UNC5D: variants seen among roughly 807,000 people sequenced by gnomAD.
The protein encoded by UNC5D is unc-5 netrin receptor D.
A neutral mutation model predicts 105.4 loss-of-function variants in UNC5D; 39 were observed. That is an observed-to-expected ratio of 0.37 (90% CI 0.29 to 0.48). The LOEUF is 0.48. Among genes scored for constraint, UNC5D ranks in the 20% least tolerant of loss-of-function variants. The pLI is 0.98. For synonymous variants in UNC5D, 452 were observed against 450.4 expected (o/e 1.00, Z -0.04); for missense variants, 991 against 1,202.4 (o/e 0.82, Z 2.60).
intron 1 of UNC5D, among the ~76,000 whole-genome samples, chr8:35,347,194 T>C (rs1811866063): frequency 6.6e-6 from 1 of 152,010 alleles, no homozygotes; most frequent in Non-Finnish European, 1.5e-5. Context: ...AATTGGTAGG[T>C]TTGGAGCAGA....
At chr8:35,385,978 C>T (rs1803369887) in intron 1 of UNC5D, among the ~76,000 whole-genome samples, 1 of 152,152 alleles carries the variant, frequency 6.6e-6, no homozygotes, top group Non-Finnish European at 1.5e-5. Context: ...CGATTCCATA[C>T]TATCTATAAT....
chr8:35,667,604 A>G (rs1824510087), intron 4 of UNC5D, among the ~76,000 whole-genome samples: 1 of 152,214 alleles, frequency 6.6e-6, no homozygotes, highest in Non-Finnish European at 1.5e-5. Context: ...AATTATAGCA[A>G]TCTAGGAATC....
chr8:35,284,784 G>A (rs1338026854), intron 1 of UNC5D, among the ~76,000 whole-genome samples: 3 of 151,972 alleles, frequency 2.0e-5, no homozygotes, highest in African/African-American at 7.2e-5. Flanking sequence ...GGATGGTCTC[G>A]ATTTCCTGAC....
At chr8:35,387,127 G>T (rs557330206) in intron 1 of UNC5D, among the ~76,000 whole-genome samples, 1 of 151,902 alleles carries the variant, frequency 6.6e-6, no homozygotes, top group East Asian at 2.0e-4. Context: ...TTGGGAGGCC[G>T]AGGGGGGCAG....
intron 1 of UNC5D, among the ~76,000 whole-genome samples, chr8:35,313,753 C>T (rs779465823): frequency 3.3e-5 from 5 of 152,122 alleles, no homozygotes; most frequent in South Asian, 4.1e-4. Context: ...AATACCGTAC[C>T]GCAGCTTCAT....
At chr8:35,347,319 C>T (rs895071638) in intron 1 of UNC5D, among the ~76,000 whole-genome samples, 2 of 151,882 alleles carry the variant, frequency 1.3e-5, no homozygotes, top group African/African-American at 4.8e-5. Flanking sequence ...TGTTTAGAGG[C>T]TTTATAGCCC....
At chr8:35,512,877 C>A (rs1812848605) in intron 1 of UNC5D, among the ~76,000 whole-genome samples, 2 of 151,850 alleles carry the variant, frequency 1.3e-5, no homozygotes, top group African/African-American at 4.8e-5. Context: ...AATGGGGTCT[C>A]ACTATATTAC....
chr8:35,628,873 A>T (rs1821856832), intron 4 of UNC5D, among the ~76,000 whole-genome samples: 1 of 152,166 alleles, frequency 6.6e-6, no homozygotes, highest in Non-Finnish European at 1.5e-5. Context: ...AGAATTAGTG[A>T]TTGTCAAATC....
intron 1 of UNC5D, among the ~76,000 whole-genome samples, chr8:35,455,771 T>A (rs1328594079): frequency 1.3e-5 from 2 of 151,724 alleles, no homozygotes; most frequent in African/African-American, 4.8e-5. Flanking sequence ...ACATCTTACA[T>A]GGTGGTAGGC....
At chr8:35,300,624 T>G (rs1243111906) in intron 1 of UNC5D, among the ~76,000 whole-genome samples, 1 of 152,028 alleles carries the variant, frequency 6.6e-6, no homozygotes, top group African/African-American at 2.4e-5. Context: ...AAAACTAACC[T>G]AAGTAACTTT....
intron 1 of UNC5D, among the ~76,000 whole-genome samples, chr8:35,307,141 A>G (rs1808485979): frequency 6.6e-6 from 1 of 152,110 alleles, no homozygotes; most frequent in African/African-American, 2.4e-5. Flanking sequence ...ATTACAAAAA[A>G]TCTCATGTTT....
intron 4 of UNC5D, among the ~76,000 whole-genome samples, chr8:35,622,311 C>G (rs1022505430): frequency 1.4e-4 from 21 of 152,074 alleles, no homozygotes; most frequent in Non-Finnish European, 2.8e-4. Context: ...CACTGCACTC[C>G]AGCCTGGCAA....
chr8:35,498,079 CAAAACAAA>C (rs1563474826), intron 1 of UNC5D, among the ~76,000 whole-genome samples: 136 of 59,354 alleles, frequency 2.3e-3, no homozygotes, highest in Non-Finnish European at 4.6e-3. Flanking sequence ...CAAAACAAAA[CAAAACAAA>C]AAAAAAAAAA....
chr8:35,444,298 C>T (rs1393156280), intron 1 of UNC5D, among the ~76,000 whole-genome samples: 3 of 152,006 alleles, frequency 2.0e-5, no homozygotes, highest in Non-Finnish European at 4.4e-5. Context: ...TTTGGGAGGA[C>T]TTGGCTAATT....
At chr8:35,728,095 A>AAAAAAAAAAAAATATATATATAT (rs34672872) in intron 10 of UNC5D, among the ~76,000 whole-genome samples, 2 of 110,360 alleles carry the variant, frequency 1.8e-5, no homozygotes, top group African/African-American at 1.1e-4. Context: ...AAAAAAAAAA[A>AAAAAAAAAAAAATATATATATAT]ATATATATAT....
chr8:35,722,175 T>G (rs768314321), intron 8 of UNC5D, 35 bp from the exon 9 acceptor site: 1 of 1,603,200 alleles, frequency 6.2e-7, no homozygotes, highest in African/African-American at 1.3e-5. Context: ...TTTGTGCCCA[T>G]GCTGGTCACT....
chr8:35,418,870 T>A (rs565627282), intron 1 of UNC5D, among the ~76,000 whole-genome samples: 28 of 152,336 alleles, frequency 1.8e-4, no homozygotes, highest in African/African-American at 6.5e-4. Flanking sequence ...TAAACTGTTT[T>A]CAAGGTTGGA....
At chr8:35,725,643 C>T (rs1187826275) in intron 9 of UNC5D, among the ~76,000 whole-genome samples, 1 of 152,098 alleles carries the variant, frequency 6.6e-6, no homozygotes, top group Non-Finnish European at 1.5e-5. Flanking sequence ...AGAATCTGCA[C>T]AGAATTCCGT....
chr8:35,480,674 C>T (rs558027988), intron 1 of UNC5D, among the ~76,000 whole-genome samples: 4 of 152,008 alleles, frequency 2.6e-5, no homozygotes, highest in South Asian at 4.1e-4. Context: ...TCTTTTGAGG[C>T]TTACATTCTA....
Sources: allele counts gnomAD v4.1 joint callset (sites outside exome capture counted in the v4.1 genomes callset), GRCh38; gene constraint gnomAD v4.1.1; transcripts MANE v1.5; gene names NCBI Gene and HGNC (gene_info 2026-07-23, HGNC 2026-07-21).